The following CHCHD3 variants were observed in gnomAD, a reference collection of about 807,000 sequenced individuals.
The protein encoded by CHCHD3 is coiled-coil-helix-coiled-coil-helix domain containing 3.
In CHCHD3, 20 loss-of-function variants were observed where a neutral mutation model predicts 38.2. The observed-to-expected ratio is 0.52, with a 90% CI of 0.37 to 0.76. CHCHD3 has a LOEUF of 0.76. Ranked by LOEUF, CHCHD3 falls within the 30% of genes least tolerant of loss-of-function variation. The pLI is 0.00. For synonymous variants in CHCHD3, 82 were observed against 100.0 expected, an observed-to-expected ratio of 0.82 and a Z score of 1.07; for missense variants, 245 against 279.2, an observed-to-expected ratio of 0.88 and a Z score of 0.87.
At chr7:132,859,839 C>G (rs1808437125) in intron 5 of CHCHD3, among the ~76,000 whole-genome samples, 1 of 152,216 alleles carries the variant, frequency 6.6e-6, no homozygotes. Flanking sequence ...CTTCCAGTCT[C>G]ATGGCTTTAA....
chr7:132,837,968 T>C (rs1465406625), intron 6 of CHCHD3, among the ~76,000 whole-genome samples: 3 of 152,132 alleles, frequency 2.0e-5, no homozygotes, highest in Non-Finnish European at 1.5e-5. Context: ...TCAAGGTACA[T>C]GTGAAGAAAT....
Position 132,943,806 on chromosome 7 carries a change from CAT to C in CHCHD3, c.369+31361_369+31362del, listed in dbSNP as rs752129098. ...ATGAATGAGCAATTCAGGTTAGCCA[CAT>C]ATGTCTGGCGATGTCTCTCTATTTC... On this transcript the variant is annotated intron_variant, in intron 4 of 7. Transcript: ENST00000262570. Among the ~76,000 whole-genome samples the C allele has an allele frequency of 5.9e-5, 9 of 152,118 alleles. No homozygotes were observed. In the East Asian group the frequency reaches 1.3e-3, roughly 23 times the overall value.
At chr7:133,021,778 C>T (rs1813184493) in intron 3 of CHCHD3, among the ~76,000 whole-genome samples, 1 of 152,064 alleles carries the variant, frequency 6.6e-6, no homozygotes, top group South Asian at 2.1e-4. Flanking sequence ...CTATATTTTT[C>T]ATGGAGCTTT....
intron 4 of CHCHD3, among the ~76,000 whole-genome samples, chr7:132,930,163 ATTTT>A (rs769791949): frequency 1.6e-5 from 2 of 127,502 alleles, no homozygotes; most frequent in African/African-American, 5.8e-5. Flanking sequence ...CCCACTCCTA[ATTTT>A]TTTTTTTTTT....
chr7:132,876,268 TACGCAGGAAACATAATG>T (rs1390384124), intron 5 of CHCHD3, among the ~76,000 whole-genome samples: 1 of 152,180 alleles, frequency 6.6e-6, no homozygotes, highest in East Asian at 1.9e-4. Context: ...TTCAATCTCA[TACGCAGGAAACATAATG>T]ATTTCCTGGC....
intron 4 of CHCHD3, among the ~76,000 whole-genome samples, chr7:132,947,470 C>T (rs1251392810): frequency 1.3e-5 from 2 of 151,740 alleles, no homozygotes; most frequent in Admixed American, 1.3e-4. Flanking sequence ...AAATTATAGC[C>T]TGAAAAAATG....
chr7:132,998,535 T>C (rs907006871), intron 3 of CHCHD3, among the ~76,000 whole-genome samples: 3 of 152,254 alleles, frequency 2.0e-5, no homozygotes, highest in African/African-American at 4.8e-5. Context: ...TCATCAGAAA[T>C]TTTAGAATTA....
At chr7:132,872,074 A>G (rs142620648) in intron 5 of CHCHD3, among the ~76,000 whole-genome samples, 15 of 152,320 alleles carry the variant, frequency 9.8e-5, no homozygotes, top group African/African-American at 3.6e-4. Context: ...GGTTAAAAGT[A>G]CGGCTGGCTT....
chr7:132,841,874 T>A (rs1478304438), intron 5 of CHCHD3, among the ~76,000 whole-genome samples: 3 of 151,872 alleles, frequency 2.0e-5, no homozygotes, highest in Admixed American at 6.6e-5. Context: ...GAGGCGGGCA[T>A]ATCACAAGGT....
intron 4 of CHCHD3, among the ~76,000 whole-genome samples, chr7:132,929,032 A>G (rs1042317763): frequency 1.3e-5 from 2 of 152,176 alleles, no homozygotes; most frequent in Non-Finnish European, 2.9e-5. Flanking sequence ...ACCTTTAAGG[A>G]AAACCACCCA....
At chr7:133,076,278 T>C (rs1814989336) in intron 1 of CHCHD3, among the ~76,000 whole-genome samples, 1 of 152,088 alleles carries the variant, frequency 6.6e-6, no homozygotes, top group Non-Finnish European at 1.5e-5. Flanking sequence ...CACACATTGA[T>C]ACTGGGAATT....
chr7:132,905,601 GA>G (rs1274984946), intron 4 of CHCHD3, among the ~76,000 whole-genome samples: 7 of 149,400 alleles, frequency 4.7e-5, no homozygotes, highest in South Asian at 2.1e-4. Context: ...AAGTTGAGGG[GA>G]AAAAAATGCC....
At chr7:132,886,759 T>G (rs1809228263) in intron 4 of CHCHD3, among the ~76,000 whole-genome samples, 2 of 151,902 alleles carry the variant, frequency 1.3e-5, no homozygotes, top group African/African-American at 4.8e-5. Flanking sequence ...ACTTTTAATA[T>G]GTAAAGTGTA....
chr7:132,796,408 C>T (rs1806613435), intron 7 of CHCHD3, 34 bp downstream of exon 7: 2 of 1,610,528 alleles, frequency 1.2e-6, no homozygotes, highest in East Asian at 2.2e-5. Flanking sequence ...TTCAATTTGC[C>T]CAGTGCCCCC....
intron 6 of CHCHD3, among the ~76,000 whole-genome samples, chr7:132,832,006 A>C (rs1399440633): frequency 6.6e-6 from 1 of 152,190 alleles, no homozygotes; most frequent in African/African-American, 2.4e-5. Context: ...ATAGCTATTA[A>C]AATATTACAT....
At position 132,796,503 on chromosome 7, in the gene CHCHD3, T is replaced by C; in HGVS notation, c.599A>G (p.Gln200Arg). The change falls in exon 7 of 8, where the codon CAG becomes CGG. Residue 200 changes from glutamine to arginine, a missense_variant. Coordinates refer to ENST00000262570, the MANE Select transcript of CHCHD3 (RefSeq NM_017812.4). ...GGCCAGAGCGGAGCATTTGAGGGTC[T>C]GGTGGGTGTTCTCACGGTAACACTG... Reference protein sequence around the residue: ...ILQCYRENTHQTLKCSALATQ... With the variant: ...ILQCYRENTHRTLKCSALATQ... 1.2e-6 allele frequency: 2 copies of C among 1,613,966 alleles called. No individual in the cohort carries two copies. Among genetic ancestry groups the C allele is most frequent in the Non-Finnish European group, 8.5e-7 (1 of 1,179,896 alleles).
intron 2 of CHCHD3, among the ~76,000 whole-genome samples, chr7:133,037,096 C>T (rs1174852557): frequency 6.6e-6 from 1 of 152,130 alleles, no homozygotes; most frequent in African/African-American, 2.4e-5. Context: ...GAATCTCTTT[C>T]ATTATCTTTG....
intron 5 of CHCHD3, among the ~76,000 whole-genome samples, chr7:132,860,316 A>AGAGAGAGAGAGAGAGAG (rs1554377218): frequency 2.2e-5 from 3 of 134,616 alleles, no homozygotes; most frequent in African/African-American, 8.0e-5. Context: ...GAGAGAGAGA[A>AGAGAGAGAGAGAGAGAG]AGAGAGAGAG....
At position 133,070,302 on chromosome 7, in the gene CHCHD3, T is replaced by C. The variant is rs144024167; in HGVS notation, c.82-73A>G. The stretch of plus-strand genomic sequence containing the variant: ...AAAAACCAGTGCAATAACATCCAAG[T>C]AATTTAGTCATCCATATCCATACAT... On this transcript the variant is annotated intron_variant, in intron 1 of 7. Coordinates refer to ENST00000262570, the MANE Select transcript of CHCHD3 (RefSeq NM_017812.4). 2.6e-3 allele frequency: 3,212 copies of C among 1,246,162 alleles called. 46 individuals carry two copies. In the East Asian group the frequency reaches 0.041, roughly 16 times the overall value. The allele number at this position is 1,246,162 out of a possible 1,614,324, so 77.2% of individuals were successfully genotyped here.
Sources: gnomAD v4.1 joint callset for allele counts (sites outside exome capture counted in the v4.1 genomes callset) on GRCh38, gnomAD v4.1.1 for gene constraint, MANE v1.5 for transcripts, NCBI Gene and HGNC (gene_info 2026-07-23, HGNC 2026-07-21) for gene names.